The following CCDC144A variants were observed in gnomAD, a reference collection of about 807,000 sequenced individuals.
CCDC144A encodes the protein coiled-coil domain containing 144A.
Under a neutral mutation model 143.8 loss-of-function variants are expected in CCDC144A, and 41 were observed. The ratio of observed to expected loss-of-function variants is 0.29; its 90% confidence interval spans 0.22 to 0.37. CCDC144A has a LOEUF of 0.37. CCDC144A is among the 10% of genes least tolerant of loss of function. The pLI is 1.00. For synonymous variants in CCDC144A, 242 were observed against 517.9 expected (o/e 0.47, Z 7.23); for missense variants, 637 against 1,488.8 (o/e 0.43, Z 9.41).
At chr17:16,680,093 G>T in the CCDC144A span, among the ~76,000 whole-genome samples, 2 of 151,944 alleles carry the variant, frequency 1.3e-5, no homozygotes, top group Non-Finnish European at 2.9e-5. Flanking sequence ...TAAGGAATAA[G>T]TATTTAAATG....
the CCDC144A span, among the ~76,000 whole-genome samples, chr17:16,682,883 G>GTTTATTTTTTTTTTTT: frequency 2.2e-5 from 1 of 46,432 alleles, no homozygotes; most frequent in Non-Finnish European, 5.1e-5. Flanking sequence ...TGGATTCTCT[G>GTTTATTTTTTTTTTTT]TTTTTTTTTT....
intron 15 of CCDC144A, among the ~76,000 whole-genome samples, chr17:16,769,230 C>A (rs571993181): frequency 3.5e-4 from 54 of 152,300 alleles, no homozygotes; most frequent in African/African-American, 1.3e-3. Context: ...CTGAGCCAAG[C>A]AAGCACACTG....
At chr17:16,693,438 G>C (rs1365010473) in intron 2 of CCDC144A, among the ~76,000 whole-genome samples, 2 of 151,552 alleles carry the variant, frequency 1.3e-5, no homozygotes, top group Admixed American at 1.3e-4. Context: ...GCCTCAGCCT[G>C]CGGAGTAGCT....
intron 15 of CCDC144A, chr17:16,767,060 C>G (rs537947206): frequency 5.2e-5 from 8 of 152,456 alleles, no homozygotes; most frequent in Non-Finnish European, 1.2e-4. Flanking sequence ...TTTGGGAGGC[C>G]GAGGCGAGTG....
chr17:16,698,044 A>G (rs1222898806), intron 2 of CCDC144A, among the ~76,000 whole-genome samples: 1 of 152,014 alleles, frequency 6.6e-6, no homozygotes, highest in African/African-American at 2.4e-5. Context: ...TCAGTAGGTA[A>G]TTGGAAAAAT....
At chr17:16,717,574 A>G (rs1218798650) in intron 6 of CCDC144A, among the ~76,000 whole-genome samples, 1 of 152,032 alleles carries the variant, frequency 6.6e-6, no homozygotes, top group Non-Finnish European at 1.5e-5. Flanking sequence ...TTCCCTGGTG[A>G]GCTCCTCTTA....
intron 6 of CCDC144A, among the ~76,000 whole-genome samples, chr17:16,714,517 A>G (rs1395158264): frequency 2.6e-5 from 4 of 152,154 alleles, no homozygotes; most frequent in Admixed American, 2.6e-4. Context: ...GACACCTCAC[A>G]TCTAATCTGT....
rs1468505884 is a variant in CCDC144A at position 16,709,591 on chromosome 17, G to A, written c.1534G>A (p.Glu512Lys). The change falls in exon 5 of 17, where the codon GAG (glutamate) becomes AAG (lysine). Residue 512 changes from glutamate (E) to lysine (K), a missense_variant. Transcript: ENST00000399273. ...FKNEVNTLEE[E>K]FLALKKEDVQ... ...GAATGAGGTCAACACATTAGAAGAA[G>A]AGTTCCTGGCTTTGAAGAAAGAAGA... The A allele has an allele frequency of 6.2e-7, 1 of 1,611,526 alleles. No individual in the cohort carries two copies.
chr17:16,701,006 T>G (rs897229026), intron 2 of CCDC144A, among the ~76,000 whole-genome samples: 1 of 152,194 alleles, frequency 6.6e-6, no homozygotes, highest in Non-Finnish European at 1.5e-5. Flanking sequence ...TTTGTGAATT[T>G]TTTTTGCCTA....
Position 16,722,836 on chromosome 17 carries a change from T to C in CCDC144A, c.1891+2178T>C, listed in dbSNP as rs539287059. Among the ~76,000 whole-genome samples, 444 of 152,260 alleles carry C rather than the reference T, an allele frequency of 2.9e-3. 7 individuals carry two copies. Among genetic ancestry groups the C allele is most frequent in the Admixed American group, 0.028 (423 of 15,284 alleles). On this transcript the variant is annotated intron_variant, in intron 8 of 16. Transcript: ENST00000399273. ...AATATGCCTTTGTGGTTCCTTCATG[T>C]CTTCTCATGGCATGATAGCTCATTA...
chr17:16,690,784 A>G (rs373364386), intron 1 of CCDC144A, 40 bp downstream of exon 1: 13 of 1,547,852 alleles, frequency 8.4e-6, no homozygotes, highest in East Asian at 2.3e-5. Context: ...TGTCGGGGAC[A>G]CTGGCTTTCT....
chr17:16,684,934 C>T (rs760692329), upstream of CCDC144A, among the ~76,000 whole-genome samples: 6 of 152,178 alleles, frequency 3.9e-5, no homozygotes, highest in Non-Finnish European at 7.4e-5. Flanking sequence ...TGCACTCTAG[C>T]CTGGGCGACA....
At chr17:16,680,241 C>A in the CCDC144A span, among the ~76,000 whole-genome samples, 2 of 151,906 alleles carry the variant, frequency 1.3e-5, no homozygotes, top group Admixed American at 6.6e-5. Flanking sequence ...CCAGCCTGGG[C>A]AACATGGTGA....
the CCDC144A span, among the ~76,000 whole-genome samples, chr17:16,667,442 G>A: frequency 2.0e-5 from 3 of 151,964 alleles, no homozygotes; most frequent in African/African-American, 7.3e-5. Flanking sequence ...GGACTGAGGG[G>A]CTGAGGTGGC....
intron 6 of CCDC144A, among the ~76,000 whole-genome samples, chr17:16,717,665 A>G (rs1912854408): frequency 6.6e-6 from 1 of 152,234 alleles, no homozygotes. Flanking sequence ...ACATTGTATC[A>G]TAATTGCATA....
At position 16,690,630 on chromosome 17, in the gene CCDC144A, G is replaced by T. The variant is rs1346446741; in HGVS notation, c.230G>T (p.Arg77Leu). The T allele has an allele frequency of 6.2e-7, 1 of 1,613,652 alleles. No individual in the cohort carries two copies. The highest frequency in any genetic ancestry group is 1.3e-5 in the African/African-American group (1 of 74,918). The change falls in exon 1 of 17, where the codon CGC (arginine) becomes CTC (leucine). Residue 77 changes from arginine (R) to leucine (L), a missense_variant. Arg to Leu is a moderately radical substitution (Grantham distance 102). Transcript: ENST00000399273. ...TTAGACCAGCCCCAGCACGACGTCC[G>T]CCTGGAAGATCTTGGCGAGCTCCAC... ...GALDQPQHDVRLEDLGELHRA... is the reference protein window; with the variant it reads ...GALDQPQHDVLLEDLGELHRA...
chr17:16,690,655 C>T lies in CCDC144A; in HGVS notation c.255C>T (p.His85=). The change falls in exon 1 of 17, where the codon CAC becomes CAT. Residue 85 remains histidine, a synonymous_variant. Transcript: ENST00000399273. The stretch of plus-strand genomic sequence containing the variant: ...GCCTGGAAGATCTTGGCGAGCTCCA[C>T]AGAGCTGCCCGGTCGGGCGACGTCC... ...DVRLEDLGEL[H]RAARSGDVPG... is the part of the protein sequence containing the mutation. 6.2e-7 allele frequency: 1 copy of T among 1,613,874 alleles called. No individual in the cohort carries two copies. Among genetic ancestry groups the T allele is most frequent in the South Asian group, 1.1e-5 (1 of 91,056 alleles).
intron 12 of CCDC144A, among the ~76,000 whole-genome samples, chr17:16,744,573 G>A (rs1324151419): frequency 1.3e-5 from 2 of 151,924 alleles, no homozygotes; most frequent in African/African-American, 4.8e-5. Flanking sequence ...CTTGTTTGTT[G>A]ATTTAAGTTC....
intron 15 of CCDC144A, among the ~76,000 whole-genome samples, chr17:16,769,713 T>A: frequency 6.6e-6 from 1 of 152,124 alleles, no homozygotes; most frequent in Non-Finnish European, 1.5e-5. Flanking sequence ...GTTATGATAT[T>A]AATTGTTCTT....
Sources: allele counts gnomAD v4.1 joint callset (sites outside exome capture counted in the v4.1 genomes callset), GRCh38; gene constraint gnomAD v4.1.1; transcripts MANE v1.5; gene names NCBI Gene and HGNC (gene_info 2026-07-23, HGNC 2026-07-21).